The following TMEM38A variants were observed in gnomAD, a reference collection of about 807,000 sequenced individuals.
The protein encoded by TMEM38A is transmembrane protein 38A, also known as trimeric intracellular cation channel type A.
TMEM38A carries 17 observed loss-of-function variants against 28.6 expected under a neutral mutation model. That is an observed-to-expected ratio of 0.60 (90% CI 0.41 to 0.89). The LOEUF (loss-of-function observed/expected upper bound fraction) is 0.89. Ranked by LOEUF, TMEM38A falls within the 40% of genes least tolerant of loss-of-function variation. TMEM38A has a pLI of 0.00. For missense variants in TMEM38A, 328 were observed against 393.1 expected, an observed-to-expected ratio of 0.83 and a Z score of 1.40; for synonymous variants, 169 against 166.1, an observed-to-expected ratio of 1.02 and a Z score of -0.14.
At chr19:16,684,136 A>G (rs2086792421) in intron 4 of TMEM38A, among the ~76,000 whole-genome samples, 1 of 148,532 alleles carries the variant, frequency 6.7e-6, no homozygotes, top group Non-Finnish European at 1.5e-5. Flanking sequence ...TCTCAAAGAA[A>G]GAAACAGAGA....
chr19:16,676,211 T>C (rs1180954356), intron 1 of TMEM38A, among the ~76,000 whole-genome samples: 1 of 148,236 alleles, frequency 6.7e-6, no homozygotes, highest in Non-Finnish European at 1.5e-5. Context: ...TTACAAAAAA[T>C]TGGGCGTGCT....
intron 1 of TMEM38A, among the ~76,000 whole-genome samples, chr19:16,674,252 G>T (rs746777613): frequency 5.1e-4 from 78 of 151,786 alleles, no homozygotes; most frequent in Non-Finnish European, 1.5e-5. Flanking sequence ...AGGCGTGGTG[G>T]CAGGTGCCTG....
Position 16,688,401 on chromosome 19 carries a change from A to G in TMEM38A, c.*30A>G. The stretch of plus-strand genomic sequence containing the variant: ...TGGCCCAAGGGGCACCGGGGAGAGG[A>G]CCCGGACCCAGGACCCTCTGAGCTG... On this transcript the variant is annotated 3_prime_UTR_variant, in exon 6 of 6. Coordinates refer to ENST00000187762, the MANE Select transcript of TMEM38A (RefSeq NM_024074.4). 6.7e-7 allele frequency: 1 copy of G among 1,501,370 alleles called. No homozygotes were observed. 93.0% of individuals were successfully genotyped at this position (1,501,370 alleles called of 1,614,324 possible). A position where few individuals can be genotyped will look rare whatever the true frequency, so the allele number is the denominator to read the frequency against.
intron 1 of TMEM38A, among the ~76,000 whole-genome samples, chr19:16,663,021 CT>C (rs1388544679): frequency 6.6e-6 from 1 of 151,918 alleles, no homozygotes; most frequent in African/African-American, 2.4e-5. Flanking sequence ...TGGCTCACGC[CT>C]GTAATCCCAG....
chr19:16,688,409 C>T lies in TMEM38A; in HGVS notation c.*38C>T. 6.8e-7 allele frequency: 1 copy of T among 1,461,894 alleles called. No individual in the cohort carries two copies. The highest frequency in any genetic ancestry group is 9.1e-7 in the Non-Finnish European group (1 of 1,104,568). 90.6% of individuals were successfully genotyped at this position (1,461,894 alleles called of 1,614,324 possible). A position where few individuals can be genotyped will look rare whatever the true frequency, so the allele number is the denominator to read the frequency against. ...GGGGCACCGGGGAGAGGACCCGGAC[C>T]CAGGACCCTCTGAGCTGGGAGGCTT... On this transcript the variant is annotated 3_prime_UTR_variant, in exon 6 of 6. Transcript: ENST00000187762.
chr19:16,667,158 G>T (rs1373819993), intron 1 of TMEM38A, among the ~76,000 whole-genome samples: 2 of 150,666 alleles, frequency 1.3e-5, no homozygotes, highest in African/African-American at 2.4e-5. Context: ...AATCCCAGCT[G>T]CTCAGGAGGC....
At chr19:16,666,178 A>C (rs1050906135) in intron 1 of TMEM38A, among the ~76,000 whole-genome samples, 2 of 151,836 alleles carry the variant, frequency 1.3e-5, no homozygotes, top group East Asian at 3.9e-4. Flanking sequence ...ACGGGGTTTC[A>C]CCACGTTGGC....
intron 1 of TMEM38A, among the ~76,000 whole-genome samples, chr19:16,670,863 C>T (rs1331467497): frequency 2.6e-5 from 4 of 151,992 alleles, no homozygotes; most frequent in Admixed American, 6.6e-5. Flanking sequence ...CACTTGAACC[C>T]GGGAGGTGGA....
chr19:16,670,019 G>A (rs1299391995), intron 1 of TMEM38A, among the ~76,000 whole-genome samples: 1 of 151,876 alleles, frequency 6.6e-6, no homozygotes, highest in African/African-American at 2.4e-5. Context: ...GCCCAGGTTG[G>A]AGTGCAGTGG....
intron 4 of TMEM38A, among the ~76,000 whole-genome samples, chr19:16,685,040 C>A (rs2086796068): frequency 9.2e-6 from 1 of 109,116 alleles, no homozygotes; most frequent in Non-Finnish European, 1.8e-5. Context: ...TAGAGAGAGA[C>A]CCTGTCTCTG....
intron 1 of TMEM38A, among the ~76,000 whole-genome samples, chr19:16,668,764 G>T (rs529498940): frequency 1.3e-5 from 2 of 151,714 alleles, no homozygotes; most frequent in South Asian, 2.1e-4. Flanking sequence ...TGCATTTAAG[G>T]TTCCTCCATG....
intron 5 of TMEM38A, among the ~76,000 whole-genome samples, chr19:16,687,925 C>A (rs1385043270): frequency 6.6e-6 from 1 of 152,088 alleles, no homozygotes. Flanking sequence ...TGGAACTTTC[C>A]AGGGGTCAAC....
At chr19:16,680,666 C>A (rs1305916731) in intron 3 of TMEM38A, 85 bp downstream of exon 3, 2 of 1,413,600 alleles carry the variant, frequency 1.4e-6, no homozygotes, top group Non-Finnish European at 2.0e-6. Flanking sequence ...GCTAGGAAAG[C>A]CATTGCTCCA....
chr19:16,664,101 G>A (rs1356203367), intron 1 of TMEM38A, among the ~76,000 whole-genome samples: 4 of 152,100 alleles, frequency 2.6e-5, no homozygotes, highest in African/African-American at 9.7e-5. Flanking sequence ...CAATTGATGT[G>A]AGATTGGTTT....
chr19:16,671,744 A>G (rs2086728575), intron 1 of TMEM38A, among the ~76,000 whole-genome samples: 1 of 152,198 alleles, frequency 6.6e-6, no homozygotes, highest in Non-Finnish European at 1.5e-5. Context: ...TGTGACTTTT[A>G]TAGCAGGGCA....
intron 1 of TMEM38A, among the ~76,000 whole-genome samples, chr19:16,678,861 G>GC (rs1463571690): frequency 4.7e-5 from 7 of 149,244 alleles, no homozygotes; most frequent in Non-Finnish European, 1.0e-4. Flanking sequence ...AAGAATACCA[G>GC]CATAAGGCTG....
chr19:16,688,458 C>A lies in TMEM38A; in HGVS notation c.*87C>A. 9.2e-7 allele frequency: 1 copy of A among 1,090,432 alleles called. No individual in the cohort carries two copies. The highest frequency in any genetic ancestry group is 3.1e-5 in the East Asian group (1 of 32,068). The allele number at this position is 1,090,432 out of a possible 1,614,324, so 67.5% of individuals were successfully genotyped here. A position where few individuals can be genotyped will look rare whatever the true frequency, so the allele number is the denominator to read the frequency against. On this transcript the variant is annotated 3_prime_UTR_variant, in exon 6 of 6. Coordinates refer to ENST00000187762, the MANE Select transcript of TMEM38A (RefSeq NM_024074.4). ...TTCCTGCGCTCAGATCTATCCTTTC[C>A]TGGCCTTGACTTCCCCATCTGCAAA...
rs1365179773 is a variant in TMEM38A, at chr19:16,661,378, G to A, written c.124+37G>A. 4.0e-6 allele frequency: 6 copies of A among 1,516,452 alleles called. No individual in the cohort carries two copies. The highest frequency in any genetic ancestry group is 1.2e-5 in the South Asian group (1 of 81,840). The allele number at this position is 1,516,452 out of a possible 1,614,324, so 93.9% of individuals were successfully genotyped here. A position where few individuals can be genotyped will look rare whatever the true frequency, so the allele number is the denominator to read the frequency against. The stretch of plus-strand genomic sequence containing the variant: ...CGGGGGGCTGGAGGGGACCGGCAGC[G>A]GGTGGCGCGGGCCGGGGCAGCTCGG... On this transcript the variant is annotated intron_variant, in intron 1 of 5. Coordinates refer to ENST00000187762, the MANE Select transcript of TMEM38A (RefSeq NM_024074.4). This position sits in a 1 kb window ranked among gnomAD's most constrained non-coding sequence, Gnocchi z 6.5.
intron 1 of TMEM38A, among the ~76,000 whole-genome samples, chr19:16,667,848 A>G (rs2086709753): frequency 6.7e-6 from 1 of 149,650 alleles, no homozygotes; most frequent in African/African-American, 2.5e-5. Flanking sequence ...TGACAGAGCA[A>G]GACTCCGTCT....
Sources: gnomAD v4.1 joint callset for allele counts (sites outside exome capture counted in the v4.1 genomes callset) on GRCh38, gnomAD v4.1.1 for gene constraint, Gnocchi (gnomAD v3.1) non-coding constraint, MANE v1.5 for transcripts, NCBI Gene and HGNC (gene_info 2026-07-23, HGNC 2026-07-21) for gene names.